DOCK11: variants seen among roughly 807,000 people sequenced by gnomAD.
The protein encoded by DOCK11 is dedicator of cytokinesis protein 11.
A neutral mutation model predicts 169.1 loss-of-function variants in DOCK11; 70 were observed. The ratio of observed to expected loss-of-function variants is 0.41; its 90% CI spans 0.34 to 0.51. The LOEUF (loss-of-function observed/expected upper bound fraction) is 0.51, where lower values mean the gene tolerates loss of function less well. DOCK11 is among the 20% of genes least tolerant of loss of function. The probability of loss-of-function intolerance (pLI) is 0.10; values close to 1 mark genes in which losing one functional copy is unlikely to be tolerated. For synonymous variants in DOCK11, 529 were observed against 541.3 expected, an observed-to-expected ratio of 0.98 and a Z score of 0.32; for missense variants, 1,166 against 1,538.8, an observed-to-expected ratio of 0.76 and a Z score of 4.05.
chrX:118,543,645 T>G, intron 4 of DOCK11, 52 bp downstream of exon 4: 1 of 1,078,322 alleles, frequency 9.3e-7, no homozygotes, highest in Non-Finnish European at 1.3e-6. Context: ...TTAAGCTTTT[T>G]TACCTTGTTA....
intron 16 of DOCK11, among the ~76,000 whole-genome samples, chrX:118,585,696 T>C (rs1281369502): frequency 9.1e-6 from 1 of 109,420 alleles, no homozygotes; most frequent in Non-Finnish European, 1.9e-5. Flanking sequence ...GTTTCATATA[T>C]ACGAAGTTGT....
chrX:118,513,615 T>G (rs982341256), intron 1 of DOCK11, among the ~76,000 whole-genome samples: 1 of 111,458 alleles, frequency 9.0e-6, no homozygotes, highest in Middle Eastern at 4.6e-3. Context: ...TTGTCTCAAA[T>G]TTTAAAAAAA....
chrX:118,552,579 T>C (rs1179846596), intron 6 of DOCK11, among the ~76,000 whole-genome samples: 2 of 112,735 alleles, frequency 1.8e-5, no homozygotes, highest in Non-Finnish European at 3.7e-5. Context: ...GAGTATAACC[T>C]CATTGTTGGC....
chrX:118,579,783 A>G (rs886764634), intron 13 of DOCK11, among the ~76,000 whole-genome samples: 2 of 112,072 alleles, frequency 1.8e-5, no homozygotes, highest in Non-Finnish European at 3.8e-5. Context: ...TGCTATGTGA[A>G]GTAAAGTACA....
At chrX:118,658,429 C>T (rs1389859421) in intron 44 of DOCK11, among the ~76,000 whole-genome samples, 2 of 112,617 alleles carry the variant, frequency 1.8e-5, no homozygotes, top group Non-Finnish European at 3.8e-5. Flanking sequence ...GGATCATTGC[C>T]TAAGCAGGGA....
intron 20 of DOCK11, among the ~76,000 whole-genome samples, chrX:118,595,938 G>T (rs940945591): frequency 9.0e-6 from 1 of 110,947 alleles, no homozygotes; most frequent in Non-Finnish European, 1.9e-5. Context: ...ACTTCTAAGG[G>T]CTATGGGATT....
chrX:118,603,917 A>G (rs995981631), intron 23 of DOCK11, among the ~76,000 whole-genome samples: 5 of 112,399 alleles, frequency 4.4e-5, no homozygotes, highest in African/African-American at 1.6e-4. Context: ...TGTAGAGAAC[A>G]GTGATGATTG....
Position 118,593,225 on chromosome X carries a change from G to A in DOCK11, c.2151G>A (p.Glu717=), listed in dbSNP as rs908493521. 3.3e-6 allele frequency: 4 copies of A among 1,195,155 alleles called. No homozygotes were observed. The highest frequency in any genetic ancestry group is 4.5e-6 in the Non-Finnish European group (4 of 888,831). The change falls in exon 20 of 53, where the codon GAG becomes GAA. Residue 717 remains glutamate (E), a synonymous_variant. Transcript: ENST00000276202. ...NPEFYDEIKI[E]LPIHLHQKHH... is the part of the protein sequence containing the mutation. ...TGCTTTCATTTCAGATTAAAATTGAGCTTCCCATTCACCTACATCAAAAAC... is the reference window on the plus strand; with the variant it reads ...TGCTTTCATTTCAGATTAAAATTGAACTTCCCATTCACCTACATCAAAAAC...
intron 44 of DOCK11, among the ~76,000 whole-genome samples, chrX:118,662,053 A>AT (rs2016228289): frequency 8.9e-6 from 1 of 112,429 alleles, no homozygotes; most frequent in Non-Finnish European, 1.9e-5. Flanking sequence ...TGTTTTACAG[A>AT]TGATAAAACT....
intron 1 of DOCK11, among the ~76,000 whole-genome samples, chrX:118,530,865 C>T (rs1054505792): frequency 8.9e-6 from 1 of 112,230 alleles, no homozygotes; most frequent in Admixed American, 9.5e-5. Context: ...TTTGTAGCTC[C>T]ACTGCCTGAC....
In DOCK11 at chrX:118,636,864, C is replaced by CAT. The variant is rs1416887759; in HGVS notation, c.3953+452_3953+453insAT. Reference sequence around the variant, plus strand: ...ACACACACACACACACACACACACACGTGTATATGTATGTATTCCAAGACT... The same window carrying CAT: ...ACACACACACACACACACACACACACATGTGTATATGTATGTATTCCAAGACT... On this transcript the variant is annotated intron_variant, in intron 36 of 52. Transcript: ENST00000276202. Among the ~76,000 whole-genome samples the CAT allele has an allele frequency of 2.4e-4, 26 of 110,026 alleles. 1 individual carries two copies. Among genetic ancestry groups the CAT allele is most frequent in the Non-Finnish European group, 4.4e-4 (23 of 52,442 alleles).
chrX:118,600,588 C>T (rs1185838708), intron 23 of DOCK11, among the ~76,000 whole-genome samples: 1 of 110,723 alleles, frequency 9.0e-6, no homozygotes, highest in African/African-American at 3.3e-5. Flanking sequence ...TTGAGACAGA[C>T]AATAAACACA....
intron 30 of DOCK11, among the ~76,000 whole-genome samples, chrX:118,616,038 C>A (rs896935807): frequency 6.3e-5 from 7 of 111,610 alleles, no homozygotes; most frequent in Non-Finnish European, 9.4e-5. Context: ...CTCAAAGCAT[C>A]AAAAAATGTA....
At chrX:118,643,678 C>T in intron 40 of DOCK11, 84 bp downstream of exon 40, 2 of 1,029,984 alleles carry the variant, frequency 1.9e-6, no homozygotes, top group Non-Finnish European at 2.7e-6. Flanking sequence ...ATTGTGGTGA[C>T]ATATACAATG....
intron 1 of DOCK11, among the ~76,000 whole-genome samples, chrX:118,536,936 C>T (rs1031124640): frequency 9.0e-6 from 1 of 111,508 alleles, no homozygotes; most frequent in Non-Finnish European, 1.9e-5. Flanking sequence ...GCACTCTAGG[C>T]TCTGCTTACA....
intron 6 of DOCK11, among the ~76,000 whole-genome samples, chrX:118,553,716 A>C (rs1603057118): frequency 8.9e-6 from 1 of 111,908 alleles, no homozygotes; most frequent in Non-Finnish European, 1.9e-5. Flanking sequence ...ACAATATTAA[A>C]ATAATTGCTA....
At chrX:118,685,651 T>C (rs761971709) in intron 52 of DOCK11, 37 bp from the exon 53 acceptor site, 2 of 1,188,338 alleles carry the variant, frequency 1.7e-6, no homozygotes, top group East Asian at 3.0e-5. Context: ...GTGGCTATTT[T>C]GCTTCATGAT....
chrX:118,549,106 C>CTGTGTGTGTGTGTGTATGTGTGTGTGTG (rs755842631), intron 6 of DOCK11, among the ~76,000 whole-genome samples: 1,635 of 99,079 alleles, frequency 0.017, 51 homozygotes, highest in African/African-American at 0.06. Context: ...TGCTCATATT[C>CTGTGTGTGTGTGTGTATGTGTGTGTGTG]TGTGTGTGTG....
In DOCK11 at chrX:118,525,129, A is replaced by G. The variant is rs749746709; in HGVS notation, c.103-17596A>G. Among the ~76,000 whole-genome samples the G allele has an allele frequency of 3.7e-5, 4 of 108,156 alleles. No homozygotes were observed. The South Asian group carries it at 1.7e-3, about 45-fold the overall frequency. 93.9% of individuals were successfully genotyped at this position (108,156 alleles called of 115,157 possible). ...CACTGCACTCCAGTCTGGGTGACAG[A>G]GCGAGACTCTGTCTCAAAAAAAAAA... On this transcript the variant is annotated intron_variant, in intron 1 of 52. Coordinates refer to ENST00000276202, the MANE Select transcript of DOCK11 (RefSeq NM_144658.4).
Sources: allele counts gnomAD v4.1 joint callset (sites outside exome capture counted in the v4.1 genomes callset), GRCh38; gene constraint gnomAD v4.1.1; transcripts MANE v1.5; gene names NCBI Gene and HGNC (gene_info 2026-07-23, HGNC 2026-07-21).